Variants in SYTL2 observed in about 807,000 individuals in gnomAD.
SYTL2 encodes synaptotagmin like 2, also known as synaptotagmin-like protein 2.
A neutral mutation model predicts 198.7 loss-of-function variants in SYTL2; 165 were observed. The ratio of observed to expected loss-of-function variants is 0.83; its 90% confidence interval spans 0.73 to 0.94. SYTL2 has a LOEUF of 0.94. Ranked by LOEUF, SYTL2 falls within the 40% of genes least tolerant of loss-of-function variation. The pLI, the probability that SYTL2 is intolerant of heterozygous loss-of-function variation, is 0.00. For synonymous variants in SYTL2, 966 were observed against 917.7 expected (o/e 1.05, Z -0.95); for missense variants, 2,835 against 2,582.8 (o/e 1.10, Z -2.12).
rs1240391708 is a variant in SYTL2, at chr11:85,736,121, A to G, written c.586+380T>C. The stretch of plus-strand genomic sequence containing the variant: ...AGATTAGAGGATCATAACATTGTCA[A>G]CAGGCTTTTTCTTCTTGAGGCAAGC... On this transcript the variant is annotated intron_variant, in intron 6 of 19. Transcript: ENST00000359152. Among the ~76,000 whole-genome samples, 9 of 152,266 alleles carry G rather than the reference A, an allele frequency of 5.9e-5. No individual in the cohort carries two copies. The East Asian group carries it at 1.7e-3, about 29-fold the overall frequency.
At chr11:85,714,609 G>A in intron 11 of SYTL2, 102 bp from the exon 12 acceptor site, 1 of 1,478,930 alleles carries the variant, frequency 6.8e-7, no homozygotes, top group Non-Finnish European at 9.0e-7. Flanking sequence ...GAACAAACAT[G>A]TTTTTGTAAA....
At chr11:85,756,984 G>A (rs2091901099) in intron 2 of SYTL2, among the ~76,000 whole-genome samples, 2 of 152,198 alleles carry the variant, frequency 1.3e-5, no homozygotes, top group Non-Finnish European at 2.9e-5. Context: ...ACAAAGTCAA[G>A]TTCTTCAGCA....
intron 1 of SYTL2, among the ~76,000 whole-genome samples, chr11:85,787,695 C>CTTTTTTTTTTTTTT (rs2092658267): frequency 9.7e-6 from 1 of 102,692 alleles, no homozygotes; most frequent in Non-Finnish European, 2.0e-5. Context: ...GTTTTTTTTT[C>CTTTTTTTTTTTTTT]TTTTCCTTTT....
At chr11:85,775,639 C>T (rs1337231660) in intron 1 of SYTL2, among the ~76,000 whole-genome samples, 3 of 152,264 alleles carry the variant, frequency 2.0e-5, no homozygotes, top group South Asian at 2.1e-4. Context: ...TGTGCGACCA[C>T]GCCTGGCTAA....
At chr11:85,777,809 CTTCTTTTTT>C (rs1287209725) in intron 1 of SYTL2, among the ~76,000 whole-genome samples, 2 of 65,844 alleles carry the variant, frequency 3.0e-5, no homozygotes, top group African/African-American at 1.1e-4. Context: ...ACAGGTCTTA[CTTCTTTTTT>C]TTTTTTTTTT....
chr11:85,853,052 C>T, the SYTL2 span: 1 of 303,804 alleles, frequency 3.3e-6, no homozygotes, highest in African/African-American at 2.4e-5. Context: ...TGAGGAGCGC[C>T]TCCGCCCGGC....
intron 1 of SYTL2, among the ~76,000 whole-genome samples, chr11:85,775,044 C>T (rs145691332): frequency 6.6e-6 from 1 of 152,066 alleles, no homozygotes; most frequent in East Asian, 1.9e-4. Context: ...ATGCCAACAC[C>T]ATCACCAAGC....
chr11:85,724,074 C>T lies in SYTL2; in HGVS notation c.5284G>A (p.Gly1762Arg). Residue 1762 changes from glycine (G) to arginine (R), a missense_variant, in exon 8 of 20, where the codon GGA becomes AGA. Gly to Arg is a moderately radical substitution (Grantham distance 125). Coordinates refer to ENST00000359152, the MANE Select transcript of SYTL2 (RefSeq NM_206927.4). ...EGFSESDFSD[G>R]NTSSNAESWR... ...CTCTCTGCATTAGAACTGGTGTTTC[C>T]ATCTGAAAAATCAGACTCAGAGAAA... The T allele has an allele frequency of 6.4e-7, 1 of 1,552,844 alleles. No individual in the cohort carries two copies. Among genetic ancestry groups the T allele is most frequent in the Non-Finnish European group, 8.6e-7 (1 of 1,158,876 alleles).
At position 85,724,875 on chromosome 11, in the gene SYTL2, G is replaced by A; in HGVS notation, c.4483C>T (p.Leu1495Phe). The A allele has an allele frequency of 6.2e-7, 1 of 1,614,058 alleles. No homozygotes were observed. Among genetic ancestry groups the A allele is most frequent in the Non-Finnish European group, 8.5e-7 (1 of 1,179,998 alleles). ...TTTTCTAAGCCAGCACTGAATTCGAGGAACTCTGATTTGGGTTGAACAATT... is the reference window on the plus strand; with the variant it reads ...TTTTCTAAGCCAGCACTGAATTCGAAGAACTCTGATTTGGGTTGAACAATT... ...ETIVQPKSEFLEFSAGLEKLL... is the reference protein window; with the variant it reads ...ETIVQPKSEFFEFSAGLEKLL... The change falls in exon 8 of 20, where the codon CTC becomes TTC. Residue 1495 changes from leucine (L) to phenylalanine (F), a missense_variant. Around this residue, in one of 3 missense-constraint regions of SYTL2, gnomAD observed 2,645 missense variants for 2,381.7 expected, o/e 1.11. Transcript: ENST00000359152.
At chr11:85,853,913 C>A in the SYTL2 span, 1 of 152,176 alleles carries the variant, frequency 6.6e-6, no homozygotes, top group African/African-American at 2.4e-5. Flanking sequence ...GTGGCAGTCT[C>A]GGCTCACTGA....
Position 85,724,489 on chromosome 11 carries a change from A to T in SYTL2, c.4869T>A (p.Asp1623Glu), listed in dbSNP as rs773969372. The change falls in exon 8 of 20, where the codon GAT becomes GAA. Residue 1623 changes from aspartate (D) to glutamate (E), a missense_variant. Coordinates refer to ENST00000359152, the MANE Select transcript of SYTL2 (RefSeq NM_206927.4). ...RAASQTSEMK[D>E]KSNGLESQVN... ...CTTGAGATTCCAAACCATTACTTTT[A>T]TCCTTCATTTCAGAGGTCTGTGAGG... 6.2e-7 allele frequency: 1 copy of T among 1,613,916 alleles called. No homozygotes were observed. The highest frequency in any genetic ancestry group is 8.5e-7 in the Non-Finnish European group (1 of 1,179,980).
chr11:85,823,609 G>A, the SYTL2 span, among the ~76,000 whole-genome samples: 7 of 151,902 alleles, frequency 4.6e-5, no homozygotes, highest in Non-Finnish European at 8.8e-5. Flanking sequence ...AAACACTTGT[G>A]GTCAATTCTA....
chr11:85,726,573 G>A lies in SYTL2; in HGVS notation c.2785C>T (p.Pro929Ser), dbSNP rs767280751. The change falls in exon 8 of 20, where the codon CCA (proline) becomes TCA (serine). Residue 929 changes from proline (P) to serine (S), a missense_variant. Transcript: ENST00000359152. The stretch of plus-strand genomic sequence containing the variant: ...ACATTTGAGGGAGGTTGCAGTGCTG[G>A]TAAAGTAATGTTTCTTCTAGAAGGC... ...SLPSRRNITL[P>S]ALQPPSNVGS... 6.3e-7 allele frequency: 1 copy of A among 1,582,814 alleles called. No individual in the cohort carries two copies. The highest frequency in any genetic ancestry group is 8.5e-7 in the Non-Finnish European group (1 of 1,169,914).
chr11:85,770,390 T>C (rs544693365), intron 1 of SYTL2, among the ~76,000 whole-genome samples: 1 of 152,192 alleles, frequency 6.6e-6, no homozygotes, highest in Admixed American at 6.5e-5. Flanking sequence ...CACTCCTGGT[T>C]CTCCCTCATT....
intron 9 of SYTL2, chr11:85,719,117 G>A (rs1377156620): frequency 2.0e-5 from 30 of 1,463,652 alleles, no homozygotes; most frequent in Non-Finnish European, 2.7e-5. Context: ...GCAAGCAATC[G>A]GCCAGCAGCA....
chr11:85,746,089 A>G lies in SYTL2; in HGVS notation c.254-317T>C, dbSNP rs115510784. ...TCTGAACTGAGTTGGGGTCAGGTCT[A>G]AATGTGCATGGCCAGGGGATGCTCA... is the stretch of plus-strand genomic sequence containing the variant. On this transcript the variant is annotated intron_variant, in intron 3 of 19. Transcript: ENST00000359152. 9.4e-4 allele frequency among the ~76,000 whole-genome samples: 143 copies of G among 152,310 alleles called. 1 individual carries two copies. Among genetic ancestry groups the G allele is most frequent in the African/African-American group, 3.3e-3 (139 of 41,566 alleles).
the SYTL2 span, among the ~76,000 whole-genome samples, chr11:85,821,250 G>A: frequency 2.0e-5 from 3 of 152,120 alleles, no homozygotes; most frequent in African/African-American, 7.2e-5. Context: ...TTTTCTAATG[G>A]TACATAAAGT....
At chr11:85,815,412 G>C (rs1014138854), upstream of SYTL2, among the ~76,000 whole-genome samples, 3 of 152,168 alleles carry the variant, frequency 2.0e-5, no homozygotes, top group African/African-American at 7.2e-5. Flanking sequence ...AGTCACCAAA[G>C]CAAGAATTTG....
chr11:85,837,037 T>C, the SYTL2 span, among the ~76,000 whole-genome samples: 1 of 152,170 alleles, frequency 6.6e-6, no homozygotes, highest in Non-Finnish European at 1.5e-5. Context: ...ACCCAAAAAG[T>C]AGTGAGGAGA....
Sources: gnomAD v4.1 joint callset for allele counts (sites outside exome capture counted in the v4.1 genomes callset) on GRCh38, gnomAD v4.1.1 for gene constraint, gnomAD v4.1.1 regional missense constraint, MANE v1.5 for transcripts, NCBI Gene and HGNC (gene_info 2026-07-23, HGNC 2026-07-21) for gene names.